Variants in RIPOR2 observed in about 807,000 individuals in gnomAD.
RIPOR2 encodes the protein rho family-interacting cell polarization regulator 2.
RIPOR2 carries 39 observed loss-of-function variants against 114.5 expected under a neutral mutation model. That is an observed-to-expected ratio of 0.34 (90% confidence interval 0.26 to 0.44). The LOEUF (loss-of-function observed/expected upper bound fraction) is 0.44. Among genes scored for constraint, RIPOR2 ranks in the 20% least tolerant of loss-of-function variants. The probability of loss-of-function intolerance (pLI) is 1.00; values close to 1 mark genes in which losing one functional copy is unlikely to be tolerated. For missense variants in RIPOR2, 1,007 were observed against 1,255.1 expected, an observed-to-expected ratio of 0.80 and a Z score of 2.99; for synonymous variants, 445 against 484.4, an observed-to-expected ratio of 0.92 and a Z score of 1.07.
intron 1 of RIPOR2, chr6:25,024,128 C>G (rs1581970859): frequency 1.1e-6 from 1 of 893,868 alleles, no homozygotes. Flanking sequence ...TGATATTCCC[C>G]TTACCGGTGG....
At position 24,917,516 on chromosome 6, in the gene RIPOR2, G is replaced by A. The variant is rs750209389; in HGVS notation, c.61+18322C>T. 9.9e-5 allele frequency among the ~76,000 whole-genome samples: 15 copies of A among 152,130 alleles called. No homozygotes were observed. In the South Asian group the frequency reaches 1.9e-3, roughly 19 times the overall value. Reference sequence around the variant, plus strand: ...AAGCACAATGCTAAGTACTTGATATGTAGTAGGCTTTTTTTTCTTTCTTTT... The same window carrying A: ...AAGCACAATGCTAAGTACTTGATATATAGTAGGCTTTTTTTTCTTTCTTTT... On this transcript the variant is annotated intron_variant, in intron 1 of 21. Transcript: ENST00000643898.
intron 1 of RIPOR2, among the ~76,000 whole-genome samples, chr6:25,010,577 A>C (rs938686703): frequency 6.6e-6 from 1 of 152,238 alleles, no homozygotes; most frequent in Non-Finnish European, 1.5e-5. Flanking sequence ...TTTTAAAATT[A>C]CTTTTTCTTG....
rs764687451 is a variant in RIPOR2 at position 24,870,882 on chromosome 6, A to G, written c.431T>C (p.Leu144Pro). Reference sequence around the variant, plus strand: ...GCAACTTACCTTGTCTAGGTCATACAGTACACCCTACAATAAAAAAAGGAA... The same window carrying G: ...GCAACTTACCTTGTCTAGGTCATACGGTACACCCTACAATAAAAAAAGGAA... ...DMKRNSRLGV[L>P]YDLDKQIKTI... The change falls in exon 5 of 22, where the codon CTG becomes CCG. Residue 144 changes from leucine (L) to proline (P), a missense_variant. Physicochemically the swap from Leu to Pro is moderately conservative, Grantham distance 98. Coordinates refer to ENST00000643898, the MANE Select transcript of RIPOR2 (RefSeq NM_001286445.3). 6.3e-7 allele frequency: 1 copy of G among 1,597,596 alleles called. No individual in the cohort carries two copies. The highest frequency in any genetic ancestry group is 8.5e-7 in the Non-Finnish European group (1 of 1,172,018).
intron 1 of RIPOR2, among the ~76,000 whole-genome samples, chr6:24,959,238 A>G (rs1773191741): frequency 1.3e-5 from 2 of 152,198 alleles, no homozygotes; most frequent in South Asian, 4.1e-4. Flanking sequence ...TTCCAAAGGA[A>G]GTCACATTCT....
At chr6:24,825,178 G>A (rs1465874906) in intron 19 of RIPOR2, 48 bp downstream of exon 19, 2 of 1,362,208 alleles carry the variant, frequency 1.5e-6, no homozygotes, top group Non-Finnish European at 2.0e-6. Flanking sequence ...GTAAATGATA[G>A]GAAATTAAAC....
At chr6:24,976,774 C>G (rs1232425264) in intron 1 of RIPOR2, 2 of 1,611,670 alleles carry the variant, frequency 1.2e-6, no homozygotes, top group Non-Finnish European at 1.7e-6. Context: ...GTCCTGAAAT[C>G]TTGTCCATGG....
chr6:24,852,663 CT>C, intron 8 of RIPOR2, 45 bp from the exon 9 acceptor site: 1 of 1,482,946 alleles, frequency 6.7e-7, no homozygotes, highest in Non-Finnish European at 9.2e-7. Flanking sequence ...CATATTTCCC[CT>C]CTCTATAGAC....
At chr6:24,882,587 A>G (rs1340876408) in intron 1 of RIPOR2, among the ~76,000 whole-genome samples, 1 of 152,246 alleles carries the variant, frequency 6.6e-6, no homozygotes, top group Non-Finnish European at 1.5e-5. Context: ...AGGAAAACAC[A>G]GAAAGTAGAA....
intron 1 of RIPOR2, chr6:24,877,202 G>T (rs1030673181): frequency 1.0e-6 from 1 of 985,436 alleles, no homozygotes; most frequent in Non-Finnish European, 1.2e-6. Flanking sequence ...TCAAAGCTAC[G>T]CGAAGCAGCT....
chr6:25,024,089 G>C, intron 1 of RIPOR2: 1 of 780,426 alleles, frequency 1.3e-6, no homozygotes, highest in Admixed American at 1.7e-5. Flanking sequence ...TGGGGGACCA[G>C]CGAGTACCAG....
Position 24,935,081 on chromosome 6 carries a change from G to A in RIPOR2, c.61+757C>T, listed in dbSNP as rs138497436. On this transcript the variant is annotated intron_variant, in intron 1 of 21. Transcript: ENST00000643898. ...CCAGCACTTTGGGGGGCCAAGGAGG[G>A]TGGATCACCTGAAGTCAGGATTTCA... is the stretch of plus-strand genomic sequence containing the variant. Among the ~76,000 whole-genome samples the A allele has an allele frequency of 6.9e-3, 1,057 of 152,292 alleles. 13 individuals carry two copies. Among genetic ancestry groups the A allele is most frequent in the African/African-American group, 0.022 (922 of 41,550 alleles).
intron 1 of RIPOR2, among the ~76,000 whole-genome samples, chr6:25,040,017 CT>C (rs1561861249): frequency 6.6e-6 from 1 of 152,048 alleles, no homozygotes; most frequent in African/African-American, 2.4e-5. Flanking sequence ...ACTCATTCAT[CT>C]TAATTTAATT....
At chr6:24,972,633 G>T (rs891204642) in intron 1 of RIPOR2, among the ~76,000 whole-genome samples, 22 of 152,186 alleles carry the variant, frequency 1.4e-4, no homozygotes, top group Non-Finnish European at 2.1e-4. Flanking sequence ...AAACTAGGAG[G>T]TGGAAGCTTC....
At chr6:24,839,680 G>A in intron 13 of RIPOR2, 9 of 1,522,582 alleles carry the variant, frequency 5.9e-6, no homozygotes, top group Non-Finnish European at 7.9e-6. Context: ...CAAAGCCTTG[G>A]GAAACAGAAC....
At chr6:25,013,843 C>T (rs888321140) in intron 1 of RIPOR2, among the ~76,000 whole-genome samples, 3 of 152,168 alleles carry the variant, frequency 2.0e-5, no homozygotes, top group African/African-American at 7.2e-5. Context: ...AATAGGCACA[C>T]TGAATTTAAG....
upstream of RIPOR2, chr6:25,042,047 TG>T (rs1243421864): frequency 6.6e-5 from 32 of 484,186 alleles, no homozygotes; most frequent in Non-Finnish European, 1.1e-4. Flanking sequence ...CCCCCCTTTT[TG>T]TTCTTTTCTT....
intron 1 of RIPOR2, among the ~76,000 whole-genome samples, chr6:24,973,435 C>T (rs1773883146): frequency 6.6e-6 from 1 of 151,760 alleles, no homozygotes. Flanking sequence ...ACCCCCGTTT[C>T]TACTAAAAAT....
At chr6:25,023,742 A>T in intron 1 of RIPOR2, 1 of 796,442 alleles carries the variant, frequency 1.3e-6, no homozygotes. Context: ...AGGTACATGA[A>T]GAACTCCAAG....
At chr6:24,970,171 G>A (rs201150174) in intron 1 of RIPOR2, among the ~76,000 whole-genome samples, 3,740 of 140,756 alleles carry the variant, frequency 0.027, 159 homozygotes, top group African/African-American at 0.088. Flanking sequence ...GAAAAAAAAA[G>A]GACCAATTGT....
Sources: gnomAD v4.1 joint callset for allele counts (sites outside exome capture counted in the v4.1 genomes callset) on GRCh38, gnomAD v4.1.1 for gene constraint, MANE v1.5 for transcripts, NCBI Gene and HGNC (gene_info 2026-07-23, HGNC 2026-07-21) for gene names.